Variants in MAML2 observed in about 807,000 individuals in gnomAD.
MAML2 encodes mastermind like transcriptional coactivator 2, also known as mastermind-like protein 2.
MAML2 carries 22 observed loss-of-function variants against 96.1 expected under a neutral mutation model. The ratio of observed to expected loss-of-function variants is 0.23; its 90% CI spans 0.16 to 0.33. The LOEUF is 0.33. MAML2 is among the 10% of genes least tolerant of loss of function. MAML2 has a pLI of 1.00. For missense variants in MAML2, 1,367 were observed against 1,392.4 expected (o/e 0.98, Z 0.29); for synonymous variants, 561 against 521.3 (o/e 1.08, Z -1.04).
chr11:96,064,781 T>C (rs76117406), intron 2 of MAML2, among the ~76,000 whole-genome samples: 270 of 152,342 alleles, frequency 1.8e-3, no homozygotes, highest in African/African-American at 6.1e-3. Flanking sequence ...GAACTAACAA[T>C]GTAAAGTGCT....
intron 2 of MAML2, among the ~76,000 whole-genome samples, chr11:96,065,385 T>C (rs1373758762): frequency 6.6e-6 from 1 of 150,648 alleles, no homozygotes; most frequent in East Asian, 2.0e-4. Context: ...TCTCTCCCTT[T>C]CTCTCTCTAG....
At chr11:96,008,603 T>G (rs193028769) in intron 2 of MAML2, among the ~76,000 whole-genome samples, 84 of 152,324 alleles carry the variant, frequency 5.5e-4, no homozygotes, top group Middle Eastern at 3.4e-3. Context: ...TATTGTTATC[T>G]AGCCATCCTC....
chr11:95,987,624 G>A (rs907630384), intron 3 of MAML2, among the ~76,000 whole-genome samples: 4 of 152,164 alleles, frequency 2.6e-5, no homozygotes, highest in African/African-American at 9.7e-5. Context: ...CTTAAACCAT[G>A]TGTTTCTCAG....
intron 1 of MAML2, among the ~76,000 whole-genome samples, chr11:96,148,946 T>C (rs1215199526): frequency 6.6e-6 from 1 of 152,208 alleles, no homozygotes; most frequent in Non-Finnish European, 1.5e-5. Context: ...TGAAATTGAT[T>C]TCTGAATCCT....
At chr11:96,268,834 G>A (rs1316196571) in intron 1 of MAML2, among the ~76,000 whole-genome samples, 1 of 145,480 alleles carries the variant, frequency 6.9e-6, no homozygotes, top group East Asian at 2.0e-4. Context: ...TGCCATAACT[G>A]TAAGGCCTCC....
intron 2 of MAML2, among the ~76,000 whole-genome samples, chr11:96,036,841 TAAAC>T (rs1407172935): frequency 6.6e-6 from 1 of 152,134 alleles, no homozygotes; most frequent in Admixed American, 6.6e-5. Context: ...GCGGCTAACT[TAAAC>T]AAGATAAAAC....
At chr11:96,299,865 T>A (rs982295619) in intron 1 of MAML2, among the ~76,000 whole-genome samples, 1 of 152,214 alleles carries the variant, frequency 6.6e-6, no homozygotes, top group African/African-American at 2.4e-5. Context: ...ATCCTCAAAG[T>A]CCACTTCTGG....
At chr11:96,203,254 G>T (rs969927607) in intron 1 of MAML2, among the ~76,000 whole-genome samples, 1 of 152,162 alleles carries the variant, frequency 6.6e-6, no homozygotes, top group Non-Finnish European at 1.5e-5. Context: ...AGTGACAAAG[G>T]CACAGCATAT....
At chr11:96,307,730 G>A (rs117029046) in intron 1 of MAML2, among the ~76,000 whole-genome samples, 4,361 of 152,232 alleles carry the variant, frequency 0.029, 78 homozygotes, top group Non-Finnish European at 0.043. Context: ...CTTTATGACC[G>A]CTTCTTTTCA....
chr11:96,312,076 G>A (rs951544269), intron 1 of MAML2, among the ~76,000 whole-genome samples: 33 of 151,694 alleles, frequency 2.2e-4, no homozygotes, highest in African/African-American at 4.6e-4. Flanking sequence ...AAAATTAACC[G>A]GGCATGATAG....
At chr11:96,149,095 C>G (rs1291462955) in intron 1 of MAML2, among the ~76,000 whole-genome samples, 1 of 152,080 alleles carries the variant, frequency 6.6e-6, no homozygotes, top group African/African-American at 2.4e-5. Context: ...TGTGCCTCAT[C>G]CACGGTATCA....
At chr11:96,134,728 G>A (rs1441607488) in intron 1 of MAML2, among the ~76,000 whole-genome samples, 3 of 152,188 alleles carry the variant, frequency 2.0e-5, no homozygotes, top group South Asian at 2.1e-4. Context: ...AACTAATCCA[G>A]CCAGTATTGC....
chr11:96,173,877 T>C (rs1861342564), intron 1 of MAML2, among the ~76,000 whole-genome samples: 1 of 152,248 alleles, frequency 6.6e-6, no homozygotes, highest in Non-Finnish European at 1.5e-5. Context: ...TACTATTGTT[T>C]TTGCTCTTTT....
At chr11:96,165,366 T>C (rs1172440276) in intron 1 of MAML2, among the ~76,000 whole-genome samples, 1 of 152,190 alleles carries the variant, frequency 6.6e-6, no homozygotes, top group Non-Finnish European at 1.5e-5. Context: ...TCAGGAGATA[T>C]CATTGATGGT....
In MAML2 at chr11:95,998,141, A is replaced by AGTCTGTCTGTCTGTCTGTCTGTCTGTCT. The variant is rs200511361; in HGVS notation, c.2140-6446_2140-6419dup. On this transcript the variant is annotated intron_variant, in intron 2 of 4. Transcript: ENST00000524717. ...CTATCTATCTGTCTGTCTGTCTGTC[A>AGTCTGTCTGTCTGTCTGTCTGTCTGTCT]GTCTGTCTGTCTGTCTGTCTGTCTG... 3.2e-3 allele frequency among the ~76,000 whole-genome samples: 460 copies of AGTCTGTCTGTCTGTCTGTCTGTCTGTCT among 143,600 alleles called. 6 individuals carry two copies. The highest frequency in any genetic ancestry group is 5.7e-3 in the Admixed American group (82 of 14,268). The allele number at this position is 143,600 out of a possible 152,430, so 94.2% of individuals were successfully genotyped here.
intron 1 of MAML2, among the ~76,000 whole-genome samples, chr11:96,173,612 G>T (rs1158795359): frequency 6.6e-6 from 1 of 152,224 alleles, no homozygotes; most frequent in Non-Finnish European, 1.5e-5. Flanking sequence ...CTCGTAAGAG[G>T]AAGAGGAAGT....
intron 1 of MAML2, among the ~76,000 whole-genome samples, chr11:96,272,436 AT>A (rs1194992768): frequency 1.3e-5 from 2 of 152,174 alleles, no homozygotes; most frequent in Middle Eastern, 3.2e-3. Context: ...TTTTTCAGAC[AT>A]TTTTCACATA....
intron 1 of MAML2, among the ~76,000 whole-genome samples, chr11:96,196,720 G>C (rs1288223354): frequency 6.6e-6 from 1 of 152,144 alleles, no homozygotes; most frequent in Non-Finnish European, 1.5e-5. Flanking sequence ...AATGTCTAGG[G>C]TAAATAAGGC....
At chr11:96,197,508 A>C (rs1861749214) in intron 1 of MAML2, among the ~76,000 whole-genome samples, 1 of 152,110 alleles carries the variant, frequency 6.6e-6, no homozygotes, top group Admixed American at 6.5e-5. Context: ...TATAAGGGGG[A>C]CTAGGGCAAA....
Sources: allele counts gnomAD v4.1 joint callset (sites outside exome capture counted in the v4.1 genomes callset), GRCh38; gene constraint gnomAD v4.1.1; transcripts MANE v1.5; gene names NCBI Gene and HGNC (gene_info 2026-07-23, HGNC 2026-07-21).